SPSB4: variants seen among roughly 807,000 people sequenced by gnomAD.
The protein encoded by SPSB4 is SPRY domain-containing SOCS box protein 4.
In SPSB4, 21 loss-of-function variants were observed where a neutral mutation model predicts 20.9. The observed-to-expected ratio is 1.01, with a 90% CI of 0.71 to 1.45. The LOEUF (loss-of-function observed/expected upper bound fraction) is 1.45, where lower values mean the gene tolerates loss of function less well. Ranked by LOEUF, SPSB4 falls within the 40% of genes most tolerant of loss-of-function variation. SPSB4 has a pLI of 0.00. For missense variants in SPSB4, 399 were observed against 399.2 expected (o/e 1.00, Z 0.00); for synonymous variants, 207 against 183.8 (o/e 1.13, Z -1.02).
intron 2 of SPSB4, among the ~76,000 whole-genome samples, chr3:141,085,510 G>C (rs766305017): frequency 1.2e-4 from 19 of 152,166 alleles, no homozygotes; most frequent in Non-Finnish European, 2.5e-4. Flanking sequence ...CAGCAGAATG[G>C]AAGAGCTAAA....
intron 1 of SPSB4, among the ~76,000 whole-genome samples, chr3:141,065,592 C>G (rs902030166): frequency 6.6e-6 from 1 of 152,232 alleles, no homozygotes; most frequent in Non-Finnish European, 1.5e-5. Context: ...GTTCTAGGTC[C>G]GGAACACAGA....
Position 141,082,459 on chromosome 3 carries a change from G to T in SPSB4, c.694+15661G>T, listed in dbSNP as rs529302506. 5.3e-5 allele frequency among the ~76,000 whole-genome samples: 8 copies of T among 152,254 alleles called. No homozygotes were observed. In the South Asian group the frequency reaches 1.7e-3, roughly 32 times the overall value. On this transcript the variant is annotated intron_variant, in intron 2 of 2. Transcript: ENST00000310546. ...TGCTTAGGTCTGGCTTTGGCTTTTC[G>T]TGAGGTCCACACCACAGACATGCAG...
intron 2 of SPSB4, among the ~76,000 whole-genome samples, chr3:141,121,478 G>T (rs1938965519): frequency 6.6e-6 from 1 of 152,192 alleles, no homozygotes; most frequent in African/African-American, 2.4e-5. Flanking sequence ...GGTTGGGGAA[G>T]TTCTCCTGGA....
At chr3:141,089,516 C>T (rs776298070) in intron 2 of SPSB4, among the ~76,000 whole-genome samples, 3 of 152,078 alleles carry the variant, frequency 2.0e-5, no homozygotes, top group African/African-American at 4.8e-5. Flanking sequence ...AGCAGGAAGG[C>T]AAGGCAGGCC....
At chr3:141,061,003 T>G (rs1472119436) in intron 1 of SPSB4, among the ~76,000 whole-genome samples, 3 of 152,244 alleles carry the variant, frequency 2.0e-5, no homozygotes, top group Admixed American at 1.3e-4. Context: ...TTTTTTCTTA[T>G]GTTAAAACAA....
intron 2 of SPSB4, among the ~76,000 whole-genome samples, chr3:141,114,591 G>C (rs528760862): frequency 2.0e-5 from 3 of 152,192 alleles, no homozygotes; most frequent in African/African-American, 7.2e-5. Flanking sequence ...TGGCCAGCCT[G>C]GGCACACTGG....
intron 2 of SPSB4, among the ~76,000 whole-genome samples, chr3:141,082,033 TG>T (rs1938242519): frequency 6.6e-6 from 1 of 152,152 alleles, no homozygotes. Flanking sequence ...ACAGTGCTGG[TG>T]GCTGCCGCAT....
chr3:141,098,109 T>C (rs1938571212), intron 2 of SPSB4, among the ~76,000 whole-genome samples: 2 of 152,242 alleles, frequency 1.3e-5, no homozygotes, highest in Non-Finnish European at 1.5e-5. Flanking sequence ...TGCCAGTTTG[T>C]AGAGAAATGC....
chr3:141,085,782 C>T (rs1175037964), intron 2 of SPSB4, among the ~76,000 whole-genome samples: 2 of 152,218 alleles, frequency 1.3e-5, no homozygotes, highest in Non-Finnish European at 2.9e-5. Flanking sequence ...TAGCATGTGT[C>T]TTGCTGGTCT....
intron 1 of SPSB4, among the ~76,000 whole-genome samples, chr3:141,063,734 T>C: frequency 6.6e-6 from 1 of 152,246 alleles, no homozygotes; most frequent in East Asian, 1.9e-4. Context: ...TCTTTGACTA[T>C]ATCCTGTGCT....
chr3:141,053,779 A>G (rs1936135799), intron 1 of SPSB4, among the ~76,000 whole-genome samples: 1 of 152,210 alleles, frequency 6.6e-6, no homozygotes, highest in Non-Finnish European at 1.5e-5. Context: ...ATAACCATTT[A>G]TCAGAAGCAT....
intron 2 of SPSB4, among the ~76,000 whole-genome samples, chr3:141,076,021 T>A (rs559860498): frequency 1.3e-5 from 2 of 152,010 alleles, no homozygotes; most frequent in Non-Finnish European, 2.9e-5. Context: ...ATCGAGCCAC[T>A]GCACTCCACC....
intron 2 of SPSB4, among the ~76,000 whole-genome samples, chr3:141,110,346 A>G (rs1938775586): frequency 6.6e-6 from 1 of 152,230 alleles, no homozygotes; most frequent in Non-Finnish European, 1.5e-5. Context: ...AGAGCAAGTT[A>G]ACAGCTTCTT....
intron 2 of SPSB4, among the ~76,000 whole-genome samples, chr3:141,134,105 G>C (rs1576542447): frequency 2.1e-5 from 1 of 48,036 alleles, no homozygotes; most frequent in Non-Finnish European, 3.9e-5. Context: ...TTGAGTTCTT[G>C]ATTTGATTCT....
chr3:141,114,846 A>T, intron 2 of SPSB4, among the ~76,000 whole-genome samples: 1 of 152,234 alleles, frequency 6.6e-6, no homozygotes, highest in East Asian at 1.9e-4. Flanking sequence ...TAAGAAAGGA[A>T]GTGTCTGTTT....
At chr3:141,128,360 C>CA (rs1182916000) in intron 2 of SPSB4, among the ~76,000 whole-genome samples, 2 of 152,114 alleles carry the variant, frequency 1.3e-5, no homozygotes, top group African/African-American at 2.4e-5. Flanking sequence ...TGTGGGGGGC[C>CA]AGGCCAAAGC....
intron 1 of SPSB4, among the ~76,000 whole-genome samples, chr3:141,054,353 T>A (rs1936146187): frequency 6.6e-6 from 1 of 152,340 alleles, no homozygotes; most frequent in Admixed American, 6.5e-5. Context: ...GTACATAGTA[T>A]GTACTCTTGA....
chr3:141,130,799 A>T (rs1444415078), intron 2 of SPSB4, among the ~76,000 whole-genome samples: 4 of 152,236 alleles, frequency 2.6e-5, no homozygotes, highest in African/African-American at 9.6e-5. Flanking sequence ...ATTGATAGCT[A>T]AACAGAGTCC....
chr3:141,115,902 A>G (rs1345056879), intron 2 of SPSB4, among the ~76,000 whole-genome samples: 1 of 152,172 alleles, frequency 6.6e-6, no homozygotes, highest in East Asian at 1.9e-4. Context: ...ACTCCATCCA[A>G]GAATTCAGTT....
Sources: allele counts gnomAD v4.1 joint callset (sites outside exome capture counted in the v4.1 genomes callset), GRCh38; gene constraint gnomAD v4.1.1; transcripts MANE v1.5; gene names NCBI Gene and HGNC (gene_info 2026-07-23, HGNC 2026-07-21).